The following LRRC37A2 variants were observed in gnomAD, a reference collection of about 807,000 sequenced individuals.
LRRC37A2 encodes leucine rich repeat containing 37 member A2.
LRRC37A2 carries 9 observed loss-of-function variants against 68.8 expected under a neutral mutation model. The ratio of observed to expected loss-of-function variants is 0.13; its 90% CI spans 0.08 to 0.23. LRRC37A2 has a LOEUF of 0.23. Among genes scored for constraint, LRRC37A2 ranks in the 10% least tolerant of loss-of-function variants. LRRC37A2 has a pLI of 1.00. For synonymous variants in LRRC37A2, 63 were observed against 367.6 expected (o/e 0.17, Z 9.48); for missense variants, 168 against 950.4 (o/e 0.18, Z 10.82).
At chr17:46,811,413 T>C in the LRRC37A2 span, among the ~76,000 whole-genome samples, 1 of 152,124 alleles carries the variant, frequency 6.6e-6, no homozygotes, top group Non-Finnish European at 1.5e-5. Flanking sequence ...TAGTTTGACA[T>C]GAGGGTATGG....
the LRRC37A2 span, among the ~76,000 whole-genome samples, chr17:46,902,862 A>G: frequency 6.6e-6 from 1 of 152,182 alleles, no homozygotes; most frequent in Non-Finnish European, 1.5e-5. Context: ...TGACTCACCT[A>G]AGCCAGGTGT....
the LRRC37A2 span, chr17:46,932,054 C>G: frequency 6.2e-7 from 1 of 1,612,124 alleles, no homozygotes; most frequent in Non-Finnish European, 8.5e-7. Context: ...ATCTCTCTCT[C>G]CATCAATTCC....
At chr17:47,014,825 T>C in the LRRC37A2 span, among the ~76,000 whole-genome samples, 3 of 152,178 alleles carry the variant, frequency 2.0e-5, no homozygotes, top group African/African-American at 7.2e-5. Flanking sequence ...ATATGGCTTA[T>C]TGCTTGGATC....
chr17:46,991,427 G>A, the LRRC37A2 span, among the ~76,000 whole-genome samples: 84 of 152,196 alleles, frequency 5.5e-4, no homozygotes, highest in African/African-American at 2.0e-3. Context: ...AAGAGTTCGA[G>A]ACCAGCCTGG....
the LRRC37A2 span, among the ~76,000 whole-genome samples, chr17:46,956,277 CTTTTTTTTTTTT>C: frequency 3.4e-4 from 21 of 62,656 alleles, no homozygotes; most frequent in South Asian, 9.6e-3. Context: ...CTTGCCAGTC[CTTTTTTTTTTTT>C]TTTTTTTTTT....
chr17:46,789,192 TG>T, the LRRC37A2 span, among the ~76,000 whole-genome samples: 2 of 152,076 alleles, frequency 1.3e-5, no homozygotes, highest in African/African-American at 4.8e-5. Flanking sequence ...CTCCTCTTTA[TG>T]GGGGCCCAGA....
chr17:46,895,458 C>T, the LRRC37A2 span, among the ~76,000 whole-genome samples: 1 of 152,142 alleles, frequency 6.6e-6, no homozygotes, highest in East Asian at 1.9e-4. Context: ...GGTCAGTGGC[C>T]GTGGTGCCTA....
chr17:46,575,147 T>C, the LRRC37A2 span, among the ~76,000 whole-genome samples: 2 of 106,614 alleles, frequency 1.9e-5, no homozygotes, highest in Admixed American at 1.9e-4. Context: ...CCTAATTCAA[T>C]ATTCAGAACA....
the LRRC37A2 span, among the ~76,000 whole-genome samples, chr17:46,659,445 ATTAATTTACTATCTAG>A: frequency 2.6e-5 from 3 of 116,390 alleles, 1 homozygote; most frequent in South Asian, 8.6e-4. Flanking sequence ...TTCTAATGAA[ATTAATTTACTATCTAG>A]TTAATTCACT....
chr17:46,958,208 C>T, the LRRC37A2 span, among the ~76,000 whole-genome samples: 15 of 152,314 alleles, frequency 9.8e-5, no homozygotes, highest in Admixed American at 2.0e-4. Context: ...TCAGGCCAAC[C>T]AACTTGGAGG....
chr17:46,489,895 T>C, the LRRC37A2 span, among the ~76,000 whole-genome samples: 4 of 151,290 alleles, frequency 2.6e-5, 1 homozygote, highest in African/African-American at 9.9e-5. Flanking sequence ...CATCAATGTA[T>C]TGGCAAATAC....
the LRRC37A2 span, among the ~76,000 whole-genome samples, chr17:46,784,426 G>A: frequency 4.6e-5 from 7 of 152,084 alleles, no homozygotes; most frequent in Non-Finnish European, 2.9e-5. Context: ...GCTAAAAGTT[G>A]AATTATACTT....
chr17:46,908,395 G>A, the LRRC37A2 span, among the ~76,000 whole-genome samples: 1 of 152,314 alleles, frequency 6.6e-6, no homozygotes, highest in Admixed American at 6.5e-5. Flanking sequence ...CATTAATGCA[G>A]CTTGTCTCCT....
At chr17:46,888,588 C>T in the LRRC37A2 span, among the ~76,000 whole-genome samples, 2 of 152,116 alleles carry the variant, frequency 1.3e-5, no homozygotes, top group Non-Finnish European at 2.9e-5. Context: ...AAGTTTGAAG[C>T]TCAGGGTGGC....
the LRRC37A2 span, among the ~76,000 whole-genome samples, chr17:46,871,993 T>A: frequency 1.3e-5 from 2 of 152,196 alleles, no homozygotes; most frequent in Non-Finnish European, 2.9e-5. Context: ...GAGAGAGGGA[T>A]GTCAGGGGAC....
At chr17:46,850,216 G>A in the LRRC37A2 span, among the ~76,000 whole-genome samples, 1 of 152,150 alleles carries the variant, frequency 6.6e-6, no homozygotes, top group Non-Finnish European at 1.5e-5. Context: ...TTTCATATGG[G>A]GCTCATAACT....
chr17:46,884,213 T>A, the LRRC37A2 span, among the ~76,000 whole-genome samples: 3 of 152,222 alleles, frequency 2.0e-5, no homozygotes, highest in African/African-American at 7.2e-5. Context: ...GCTGTCTTCA[T>A]GCAGCCAGCC....
the LRRC37A2 span, among the ~76,000 whole-genome samples, chr17:46,768,140 G>A: frequency 6.6e-6 from 1 of 152,174 alleles, no homozygotes; most frequent in Non-Finnish European, 1.5e-5. This position sits in a 1 kb window ranked among gnomAD's most constrained non-coding sequence, Gnocchi z 5.0. Flanking sequence ...TCTGCCCAAG[G>A]ACCATTCCCA....
At chr17:46,491,183 C>T in the LRRC37A2 span, among the ~76,000 whole-genome samples, 1 of 151,164 alleles carries the variant, frequency 6.6e-6, no homozygotes, top group Admixed American at 6.6e-5. Context: ...AGGCGTGAGC[C>T]ACTGCACCTG....
Sources: gnomAD v4.1 joint callset for allele counts (sites outside exome capture counted in the v4.1 genomes callset) on GRCh38, gnomAD v4.1.1 for gene constraint, Gnocchi (gnomAD v3.1) non-coding constraint, MANE v1.5 for transcripts, NCBI Gene and HGNC (gene_info 2026-07-23, HGNC 2026-07-21) for gene names.